EPHA6: variants seen among roughly 807,000 people sequenced by gnomAD.
The protein encoded by EPHA6 is EPH receptor A6, also known as ephrin type-A receptor 6.
A neutral mutation model predicts 112.0 loss-of-function variants in EPHA6; 50 were observed. The observed-to-expected ratio is 0.45, with a 90% CI of 0.36 to 0.56. EPHA6 has a LOEUF of 0.56. Among genes scored for constraint, EPHA6 ranks in the 20% least tolerant of loss-of-function variants. The pLI is 0.00. For synonymous variants in EPHA6, 529 were observed against 490.7 expected, an observed-to-expected ratio of 1.08 and a Z score of -1.03; for missense variants, 1,280 against 1,417.4, an observed-to-expected ratio of 0.90 and a Z score of 1.56.
chr3:97,285,676 G>A (rs1163818453), intron 5 of EPHA6, among the ~76,000 whole-genome samples: 1 of 152,024 alleles, frequency 6.6e-6, no homozygotes, highest in East Asian at 1.9e-4. Context: ...GTGCTGCAGT[G>A]AACATGGGGT....
At chr3:96,977,823 A>G (rs953654373) in intron 2 of EPHA6, among the ~76,000 whole-genome samples, 3 of 152,150 alleles carry the variant, frequency 2.0e-5, no homozygotes, top group African/African-American at 7.2e-5. Flanking sequence ...TATATTACAC[A>G]TACTGTATTC....
chr3:97,555,199 T>C (rs1459641707), intron 11 of EPHA6, among the ~76,000 whole-genome samples: 4 of 151,888 alleles, frequency 2.6e-5, no homozygotes, highest in Non-Finnish European at 5.9e-5. Flanking sequence ...TTTGTCCTTG[T>C]GATACTTTAC....
At chr3:96,990,211 G>A (rs933797949) in intron 3 of EPHA6, among the ~76,000 whole-genome samples, 1 of 152,100 alleles carries the variant, frequency 6.6e-6, no homozygotes, top group African/African-American at 2.4e-5. Context: ...CAACCGTGAT[G>A]TCTAGATTTT....
chr3:97,525,589 G>T (rs1242442042), intron 10 of EPHA6, among the ~76,000 whole-genome samples: 2 of 152,152 alleles, frequency 1.3e-5, no homozygotes, highest in Non-Finnish European at 2.9e-5. Flanking sequence ...ATTTCTGTCT[G>T]CATTTGAAGG....
intron 5 of EPHA6, among the ~76,000 whole-genome samples, chr3:97,392,800 C>T (rs1283299851): frequency 6.6e-6 from 1 of 151,482 alleles, no homozygotes; most frequent in Non-Finnish European, 1.5e-5. Flanking sequence ...TTAGTTTTTA[C>T]CTTTAAAATA....
At chr3:97,550,071 A>G (rs1458390493) in intron 11 of EPHA6, among the ~76,000 whole-genome samples, 1 of 152,192 alleles carries the variant, frequency 6.6e-6, no homozygotes, top group Non-Finnish European at 1.5e-5. Flanking sequence ...AAACCTCCCT[A>G]TTCTGGAAAC....
chr3:97,093,258 G>A (rs552212584), intron 3 of EPHA6, among the ~76,000 whole-genome samples: 2 of 152,060 alleles, frequency 1.3e-5, no homozygotes, highest in Non-Finnish European at 2.9e-5. Flanking sequence ...TGATTTAAAA[G>A]GGGAATAAAG....
chr3:97,557,050 C>T (rs1434646604), intron 11 of EPHA6, among the ~76,000 whole-genome samples: 1 of 151,870 alleles, frequency 6.6e-6, no homozygotes, highest in African/African-American at 2.4e-5. Context: ...TGAAACTATG[C>T]TATAATTTAT....
chr3:97,659,667 C>A (rs559191123), intron 14 of EPHA6, among the ~76,000 whole-genome samples: 1 of 151,824 alleles, frequency 6.6e-6, no homozygotes, highest in African/African-American at 2.4e-5. Flanking sequence ...TGAAATATAA[C>A]GTAACACAGT....
chr3:97,450,008 A>T (rs2090470954), intron 7 of EPHA6, among the ~76,000 whole-genome samples: 1 of 152,098 alleles, frequency 6.6e-6, no homozygotes, highest in Non-Finnish European at 1.5e-5. Flanking sequence ...TAAGTAAGAA[A>T]TACCCCACCT....
At chr3:96,826,256 C>A (rs2033651737) in intron 1 of EPHA6, among the ~76,000 whole-genome samples, 1 of 151,936 alleles carries the variant, frequency 6.6e-6, no homozygotes, top group Non-Finnish European at 1.5e-5. Context: ...CCAGACTTTA[C>A]TGAATTGGAC....
chr3:96,938,216 G>A (rs1241137254), intron 2 of EPHA6, among the ~76,000 whole-genome samples: 10 of 152,176 alleles, frequency 6.6e-5, no homozygotes, highest in East Asian at 3.9e-4. Flanking sequence ...CCATTTTCAC[G>A]ATATTGATTC....
chr3:97,353,353 G>T (rs2083905689), intron 5 of EPHA6, among the ~76,000 whole-genome samples: 1 of 151,872 alleles, frequency 6.6e-6, no homozygotes, highest in South Asian at 2.1e-4. Context: ...GACTCCTGTG[G>T]CACATTTCTG....
intron 11 of EPHA6, among the ~76,000 whole-genome samples, chr3:97,539,452 A>G (rs1408007981): frequency 1.3e-5 from 2 of 152,080 alleles, no homozygotes; most frequent in Non-Finnish European, 2.9e-5. Context: ...CTGCCGTTCC[A>G]GGCACTTTTC....
intron 2 of EPHA6, among the ~76,000 whole-genome samples, chr3:96,880,122 T>A (rs1331627754): frequency 6.6e-6 from 1 of 151,928 alleles, no homozygotes; most frequent in African/African-American, 2.4e-5. Context: ...TTTAAAAAAA[T>A]AACTATAAGA....
chr3:96,899,908 T>C (rs938187761), intron 2 of EPHA6, among the ~76,000 whole-genome samples: 1 of 152,126 alleles, frequency 6.6e-6, no homozygotes, highest in Non-Finnish European at 1.5e-5. Flanking sequence ...CTAACAGCCT[T>C]ATATAGATCT....
At chr3:97,645,301 G>A (rs1414122841) in intron 14 of EPHA6, among the ~76,000 whole-genome samples, 67 of 146,274 alleles carry the variant, frequency 4.6e-4, no homozygotes, top group African/African-American at 1.5e-3. Flanking sequence ...TTAAGAAAAT[G>A]TGGCACATAT....
chr3:97,276,846 G>C (rs534109657), intron 5 of EPHA6, among the ~76,000 whole-genome samples: 1 of 152,132 alleles, frequency 6.6e-6, no homozygotes, highest in African/African-American at 2.4e-5. Flanking sequence ...TAAGGAAAAA[G>C]GAAAAGGAGC....
chr3:97,407,802 G>A (rs954451055), intron 6 of EPHA6, among the ~76,000 whole-genome samples: 47 of 151,892 alleles, frequency 3.1e-4, no homozygotes, highest in African/African-American at 1.0e-3. Context: ...CTTATAATGA[G>A]GGAACTAAGA....
Sources: allele counts gnomAD v4.1 joint callset (sites outside exome capture counted in the v4.1 genomes callset), GRCh38; gene constraint gnomAD v4.1.1; transcripts MANE v1.5; gene names NCBI Gene and HGNC (gene_info 2026-07-23, HGNC 2026-07-21).